DAB1: variants seen among roughly 807,000 people sequenced by gnomAD.
The protein encoded by DAB1 is DAB adaptor protein 1.
In DAB1, 15 loss-of-function variants were observed where a neutral mutation model predicts 64.6. The observed-to-expected ratio is 0.23, with a 90% CI of 0.16 to 0.36. The LOEUF is 0.36. Ranked by LOEUF, DAB1 falls within the 10% of genes least tolerant of loss-of-function variation. The pLI is 1.00. For synonymous variants in DAB1, 235 were observed against 251.9 expected (o/e 0.93, Z 0.64); for missense variants, 596 against 706.7 (o/e 0.84, Z 1.78).
chr1:57,695,349 A>G (rs1251297568), intron 6 of DAB1, among the ~76,000 whole-genome samples: 1 of 117,190 alleles, frequency 8.5e-6, no homozygotes, highest in Non-Finnish European at 1.8e-5. Flanking sequence ...AGAAAGAAAG[A>G]AAGAAAAGAA....
At chr1:57,343,024 T>G (rs1677751223) in intron 1 of DAB1, among the ~76,000 whole-genome samples, 2 of 37,938 alleles carry the variant, frequency 5.3e-5, no homozygotes. Flanking sequence ...GGCAGCCTGC[T>G]TTTATTGTCT....
chr1:58,429,646 G>A (rs1326165407), intron 3 of DAB1, among the ~76,000 whole-genome samples: 1 of 152,160 alleles, frequency 6.6e-6, no homozygotes, highest in African/African-American at 2.4e-5. Flanking sequence ...TAGAGAGAGA[G>A]AAAGCAGAGA....
intron 1 of DAB1, among the ~76,000 whole-genome samples, chr1:57,421,905 G>GGGGGGGGGGC (rs1558356112): frequency 1.0e-5 from 1 of 100,432 alleles, no homozygotes; most frequent in Non-Finnish European, 2.2e-5. Context: ...GGGGTGGCGG[G>GGGGGGGGGGC]GGGGGGGGTG....
At chr1:57,328,572 GT>G (rs1676381072) in intron 1 of DAB1, among the ~76,000 whole-genome samples, 1 of 152,146 alleles carries the variant, frequency 6.6e-6, no homozygotes, top group African/African-American at 2.4e-5. Flanking sequence ...CATTGCCTTG[GT>G]CACATTTACT....
At chr1:57,902,420 A>G (rs1644489685) in intron 5 of DAB1, among the ~76,000 whole-genome samples, 1 of 150,972 alleles carries the variant, frequency 6.6e-6, no homozygotes, top group South Asian at 2.1e-4. Flanking sequence ...TAACCACAAT[A>G]CTACGATCTC....
rs977692481 is a variant in DAB1 at position 57,192,504 on chromosome 1, C to T, written c.68-47075G>A. ...GTTAACACAAGGAAAGCATTGAGAA[C>T]AGTGAAAGGAGCACTGTAAGGGTTC... On this transcript the variant is annotated intron_variant, in intron 2 of 14. Coordinates refer to ENST00000371236, the MANE Select transcript of DAB1 (RefSeq NM_001365792.1). Among the ~76,000 whole-genome samples, 5 of 152,318 alleles carry T rather than the reference C, an allele frequency of 3.3e-5. No individual in the cohort carries two copies. In the East Asian group the frequency reaches 7.7e-4, roughly 23 times the overall value.
At chr1:58,199,430 T>C (rs1313803358) in intron 4 of DAB1, among the ~76,000 whole-genome samples, 1 of 152,234 alleles carries the variant, frequency 6.6e-6, no homozygotes, top group Non-Finnish European at 1.5e-5. Flanking sequence ...GATAAACTTA[T>C]GATCTGTACT....
At chr1:58,051,852 A>C (rs1647691983) in intron 5 of DAB1, among the ~76,000 whole-genome samples, 1 of 152,190 alleles carries the variant, frequency 6.6e-6, no homozygotes, top group Admixed American at 6.5e-5. Flanking sequence ...TCTTCTTTTG[A>C]GAAGTGTCTG....
At chr1:57,992,594 AGAG>A (rs1224192223) in intron 5 of DAB1, among the ~76,000 whole-genome samples, 3 of 152,180 alleles carry the variant, frequency 2.0e-5, no homozygotes, top group African/African-American at 7.2e-5. Context: ...TCTCTCATAA[AGAG>A]GACACTCAGC....
intron 5 of DAB1, among the ~76,000 whole-genome samples, chr1:58,035,790 C>A (rs1393473569): frequency 6.6e-6 from 1 of 152,150 alleles, no homozygotes; most frequent in Non-Finnish European, 1.5e-5. Flanking sequence ...TTGTAAACAA[C>A]CCCCGGCCTA....
chr1:57,589,771 G>A (rs1645422171), intron 7 of DAB1, among the ~76,000 whole-genome samples: 2 of 151,996 alleles, frequency 1.3e-5, no homozygotes. Context: ...AGAAAAAAAA[G>A]CAAAAGACTT....
chr1:57,307,697 T>A (rs1674313649), intron 1 of DAB1, among the ~76,000 whole-genome samples: 1 of 151,958 alleles, frequency 6.6e-6, no homozygotes, highest in Non-Finnish European at 1.5e-5. Flanking sequence ...CCCTTCCCTG[T>A]CTGTTGAATC....
chr1:57,807,500 G>T (rs1216307059), intron 6 of DAB1, among the ~76,000 whole-genome samples: 2 of 152,116 alleles, frequency 1.3e-5, no homozygotes, highest in African/African-American at 4.8e-5. Context: ...ATGTCATCAA[G>T]ATTTTGGTTA....
intron 4 of DAB1, among the ~76,000 whole-genome samples, chr1:58,313,553 T>TC (rs1366645646): frequency 6.6e-6 from 1 of 152,304 alleles, no homozygotes; most frequent in East Asian, 1.9e-4. Flanking sequence ...ATTCATTTAC[T>TC]CCCAGTGTTT....
At chr1:58,315,991 C>A (rs1424617594) in intron 4 of DAB1, among the ~76,000 whole-genome samples, 1 of 152,108 alleles carries the variant, frequency 6.6e-6, no homozygotes, top group Non-Finnish European at 1.5e-5. Flanking sequence ...CCCAAAGAGC[C>A]AAAGTTTGGA....
intron 4 of DAB1, among the ~76,000 whole-genome samples, chr1:58,293,469 T>C (rs1007362121): frequency 2.6e-5 from 4 of 152,146 alleles, no homozygotes; most frequent in South Asian, 2.1e-4. Context: ...CCAGGGGAGA[T>C]GGCAGCAGTC....
chr1:58,423,468 C>T (rs1644792037), intron 3 of DAB1, among the ~76,000 whole-genome samples: 1 of 152,188 alleles, frequency 6.6e-6, no homozygotes. Context: ...GCTTTTCTCC[C>T]AGCCCCAGCT....
chr1:57,010,473 C>A (rs898400135), intron 14 of DAB1, among the ~76,000 whole-genome samples: 1 of 152,106 alleles, frequency 6.6e-6, no homozygotes, highest in Non-Finnish European at 1.5e-5. Context: ...ATGGTGCAGA[C>A]ACTGGTGATA....
At chr1:57,445,808 C>A (rs926112133) in intron 7 of DAB1, among the ~76,000 whole-genome samples, 1 of 152,180 alleles carries the variant, frequency 6.6e-6, no homozygotes, top group Non-Finnish European at 1.5e-5. Context: ...CATTTCAGAA[C>A]TAACCTTTCC....
Sources: allele counts gnomAD v4.1 joint callset (sites outside exome capture counted in the v4.1 genomes callset), GRCh38; gene constraint gnomAD v4.1.1; transcripts MANE v1.5; gene names NCBI Gene and HGNC (gene_info 2026-07-23, HGNC 2026-07-21).